The following FAM217A variants were observed in gnomAD, a reference collection of about 807,000 sequenced individuals.
FAM217A encodes family with sequence similarity 217 member A, also known as protein FAM217A.
FAM217A carries 13 observed loss-of-function variants against 18.5 expected under a neutral mutation model. The observed-to-expected ratio is 0.70, with a 90% CI of 0.46 to 1.12. The LOEUF (loss-of-function observed/expected upper bound fraction) is 1.12, where lower values mean the gene tolerates loss of function less well. Ranked by LOEUF, FAM217A falls within the 50% of genes most tolerant of loss-of-function variation. The pLI is 0.00. For synonymous variants in FAM217A, 161 were observed against 202.8 expected (o/e 0.79, Z 1.75); for missense variants, 560 against 575.4 (o/e 0.97, Z 0.27).
intron 4 of FAM217A, 51 bp from the exon 5 acceptor site, chr6:4,073,558 C>A: frequency 7.0e-7 from 1 of 1,424,954 alleles, no homozygotes; most frequent in African/African-American, 1.4e-5. Context: ...GTTCCCTATT[C>A]TTGTTCTAAC....
chr6:4,078,229 T>G (rs2113880205), intron 1 of FAM217A, among the ~76,000 whole-genome samples: 1 of 151,968 alleles, frequency 6.6e-6, no homozygotes, highest in Middle Eastern at 3.4e-3. Flanking sequence ...AATTTTTATA[T>G]TTTTAGTAGA....
intron 1 of FAM217A, among the ~76,000 whole-genome samples, chr6:4,086,644 C>T (rs1249860533): frequency 2.0e-5 from 3 of 152,150 alleles, no homozygotes; most frequent in Admixed American, 6.6e-5. Context: ...TAGGCTCACA[C>T]GCCTTCTCTG....
upstream of FAM217A, among the ~76,000 whole-genome samples, chr6:4,082,329 C>A (rs936146625): frequency 1.3e-5 from 2 of 152,118 alleles, no homozygotes; most frequent in Non-Finnish European, 2.9e-5. Flanking sequence ...GAAAACAGTA[C>A]CCCAAAATGA....
chr6:4,082,879 T>C (rs897105470), upstream of FAM217A, among the ~76,000 whole-genome samples: 1 of 152,256 alleles, frequency 6.6e-6, no homozygotes, highest in African/African-American at 2.4e-5. Context: ...TGAGTACTTC[T>C]CCTGTCTCAG....
intron 4 of FAM217A, among the ~76,000 whole-genome samples, chr6:4,074,147 C>T (rs73351512): frequency 1.7e-4 from 26 of 152,122 alleles, no homozygotes; most frequent in South Asian, 1.0e-3. Flanking sequence ...CCACTGCACC[C>T]GGCCTGCTTC....
intron 2 of FAM217A, among the ~76,000 whole-genome samples, chr6:4,075,367 AT>A (rs1769712367): frequency 2.6e-5 from 4 of 152,306 alleles, no homozygotes; most frequent in African/African-American, 7.2e-5. Context: ...AATTAAAAAA[AT>A]AAAAGCCTGT....
At chr6:4,075,338 T>C (rs1237862905) in intron 2 of FAM217A, among the ~76,000 whole-genome samples, 1 of 151,886 alleles carries the variant, frequency 6.6e-6, no homozygotes, top group African/African-American at 2.4e-5. Context: ...TGTCTCAAAA[T>C]ACATACATAA....
At chr6:4,078,307 C>T (rs1407408623) in intron 1 of FAM217A, among the ~76,000 whole-genome samples, 1 of 152,152 alleles carries the variant, frequency 6.6e-6, no homozygotes, top group Non-Finnish European at 1.5e-5. Context: ...CTGCCTCAGT[C>T]TCCCAAAGTG....
chr6:4,079,798 A>C, upstream of FAM217A: 54 of 489,702 alleles, frequency 1.1e-4, no homozygotes, highest in Non-Finnish European at 1.3e-4. Flanking sequence ...CACCAAGCTC[A>C]TCCGGTCAGT....
chr6:4,074,885 C>A (rs1406051012), intron 2 of FAM217A, among the ~76,000 whole-genome samples: 1 of 152,050 alleles, frequency 6.6e-6, no homozygotes, highest in Non-Finnish European at 1.5e-5. Context: ...CAGGCTTTTA[C>A]AATAATTTGT....
intron 1 of FAM217A, among the ~76,000 whole-genome samples, chr6:4,078,049 CTTTT>C (rs10600748): frequency 8.8e-6 from 1 of 114,002 alleles, no homozygotes; most frequent in Non-Finnish European, 1.7e-5. Context: ...GAAAGAATCA[CTTTT>C]TTTTTTTTTT....
chr6:4,086,180 C>T (rs1770644869), intron 1 of FAM217A, among the ~76,000 whole-genome samples: 1 of 151,274 alleles, frequency 6.6e-6, no homozygotes, highest in Non-Finnish European at 1.5e-5. Context: ...GGCGAGGTGG[C>T]TCACACCTGT....
At position 4,068,608 on chromosome 6, in the gene FAM217A, AG is replaced by A. The variant is rs1245225024; in HGVS notation, c.*87del. On this transcript the variant is annotated 3_prime_UTR_variant, in exon 7 of 7. Coordinates refer to ENST00000274673, the MANE Select transcript of FAM217A (RefSeq NM_173563.3). The stretch of plus-strand genomic sequence containing the variant: ...TTGGTGATTTTGGGGGACTGTTAAT[AG>A]TACCTGTGTCTTGGAATAATTAACC... 7.1e-7 allele frequency: 1 copy of A among 1,417,966 alleles called. No homozygotes were observed. The highest frequency in any genetic ancestry group is 2.3e-5 in the East Asian group (1 of 43,686). 87.8% of individuals were successfully genotyped at this position (1,417,966 alleles called of 1,614,324 possible).
upstream of FAM217A, chr6:4,079,640 A>ACCC (rs1561929606): frequency 8.0e-7 from 1 of 1,253,196 alleles, no homozygotes; most frequent in Non-Finnish European, 1.0e-6. Context: ...TCCACCCTCC[A>ACCC]TTCCCACCGC....
chr6:4,077,187 T>C (rs1324216439), intron 2 of FAM217A, among the ~76,000 whole-genome samples, 168 bp downstream of exon 2: 1 of 152,160 alleles, frequency 6.6e-6, no homozygotes, highest in East Asian at 1.9e-4. Flanking sequence ...TTAAAAGAAA[T>C]AGAAAATTTC....
chr6:4,074,549 A>T (rs1769646540), intron 3 of FAM217A, 28 bp downstream of exon 3: 1 of 1,586,792 alleles, frequency 6.3e-7, no homozygotes, highest in Admixed American at 1.7e-5. Context: ...TTCTTTCAGT[A>T]TAAGTATACA....
rs1384307527 is a variant in FAM217A at position 4,068,838 on chromosome 6, G to A, written c.1385C>T (p.Pro462Leu). Residue 462 changes from proline to leucine, a missense_variant, in exon 7 of 7, where the codon CCG (proline) becomes CTG (leucine). By Grantham distance (98) the Pro-to-Leu change is moderately conservative. Transcript: ENST00000274673. Reference protein sequence around the residue: ...PENQKEEIKAPKRNFGTKKKL... With the variant: ...PENQKEEIKALKRNFGTKKKL... ...CTTTTTGGTCCCAAAGTTTCTCTTC[G>A]GTGCCTTAATTTCTTCCTTCTGATT... is the stretch of plus-strand genomic sequence containing the variant. 5 of 1,614,056 alleles carry A rather than the reference G, an allele frequency of 3.1e-6. No individual in the cohort carries two copies. The highest frequency in any genetic ancestry group is 1.7e-4 in the Middle Eastern group (1 of 6,060).
upstream of FAM217A, among the ~76,000 whole-genome samples, chr6:4,080,697 T>C (rs1186215321): frequency 2.0e-5 from 3 of 152,216 alleles, no homozygotes; most frequent in African/African-American, 7.2e-5. Context: ...GCTCATCACC[T>C]TCCCAGCGCC....
Position 4,078,929 on chromosome 6 carries a change from G to T in FAM217A, c.-112C>A, listed in dbSNP as rs1462896093. On this transcript the variant is annotated 5_prime_UTR_variant, in exon 1 of 7. Transcript: ENST00000274673. ...GAGGCCCGAGCGCCTCCGCGTGCGTGGCTGACGGCTTGGAGGGCGCCCCCT... is the reference window on the plus strand; with the variant it reads ...GAGGCCCGAGCGCCTCCGCGTGCGTTGCTGACGGCTTGGAGGGCGCCCCCT... The T allele has an allele frequency of 1.7e-6, 1 of 580,546 alleles. No individual in the cohort carries two copies. Among genetic ancestry groups the T allele is most frequent in the Admixed American group, 3.0e-5 (1 of 33,736 alleles). The allele number at this position is 580,546 out of a possible 1,614,324, so 36.0% of individuals were successfully genotyped here.
Sources: gnomAD v4.1 joint callset for allele counts (sites outside exome capture counted in the v4.1 genomes callset) on GRCh38, gnomAD v4.1.1 for gene constraint, MANE v1.5 for transcripts, NCBI Gene and HGNC (gene_info 2026-07-23, HGNC 2026-07-21) for gene names.